The following SLIT1 variants were observed in gnomAD, a reference collection of about 807,000 sequenced individuals.
SLIT1 encodes slit guidance ligand 1.
A neutral mutation model predicts 186.1 loss-of-function variants in SLIT1; 66 were observed. The ratio of observed to expected loss-of-function variants is 0.35; its 90% confidence interval spans 0.29 to 0.44. SLIT1 has a LOEUF of 0.44. Ranked by LOEUF, SLIT1 falls within the 20% of genes least tolerant of loss-of-function variation. SLIT1 has a pLI of 1.00. For missense variants in SLIT1, 1,638 were observed against 2,037.4 expected (o/e 0.80, Z 3.77); for synonymous variants, 761 against 833.8 (o/e 0.91, Z 1.50).
At chr10:97,123,396 T>C (rs1378405151) in intron 4 of SLIT1, among the ~76,000 whole-genome samples, 1 of 152,160 alleles carries the variant, frequency 6.6e-6, no homozygotes, top group Non-Finnish European at 1.5e-5. Context: ...ATTTGGCAAA[T>C]AATGCTATGC....
At chr10:97,129,397 A>G (rs561473232) in intron 4 of SLIT1, among the ~76,000 whole-genome samples, 2,292 of 151,624 alleles carry the variant, frequency 0.015, 58 homozygotes, top group African/African-American at 0.05. Flanking sequence ...AAAAAAAAAA[A>G]AAGAAGCTAA....
At chr10:97,008,420 C>A (rs1315191303) in intron 31 of SLIT1, among the ~76,000 whole-genome samples, 1 of 152,198 alleles carries the variant, frequency 6.6e-6, no homozygotes, top group African/African-American at 2.4e-5. Context: ...CTGGGCCAGG[C>A]ATGGTGGCTC....
At chr10:97,049,871 G>A (rs2076481144) in intron 13 of SLIT1, among the ~76,000 whole-genome samples, 1 of 152,264 alleles carries the variant, frequency 6.6e-6, no homozygotes, top group Admixed American at 6.5e-5. Flanking sequence ...ATGGTGGCGG[G>A]GAGCAGATGG....
intron 1 of SLIT1, among the ~76,000 whole-genome samples, chr10:97,180,300 G>C (rs778656316): frequency 1.3e-5 from 2 of 152,216 alleles, no homozygotes; most frequent in African/African-American, 4.8e-5. Flanking sequence ...GCGCTCCTGC[G>C]AGCATTACCG....
intron 22 of SLIT1, among the ~76,000 whole-genome samples, chr10:97,037,343 C>G (rs565140547): frequency 6.6e-6 from 1 of 151,992 alleles, no homozygotes; most frequent in African/African-American, 2.4e-5. Flanking sequence ...AGAGGTTATC[C>G]GTCCGCCTCA....
At chr10:97,125,531 GT>G (rs1849596056) in intron 4 of SLIT1, among the ~76,000 whole-genome samples, 1 of 59,394 alleles carries the variant, frequency 1.7e-5, no homozygotes. Flanking sequence ...GAGACCCTGT[GT>G]CAAAAAAAAA....
At chr10:97,139,311 C>A (rs1165550909) in intron 4 of SLIT1, among the ~76,000 whole-genome samples, 1 of 152,222 alleles carries the variant, frequency 6.6e-6, no homozygotes, top group East Asian at 1.9e-4. Context: ...TTCACAATCC[C>A]AGGGCCAGTA....
intron 4 of SLIT1, among the ~76,000 whole-genome samples, chr10:97,074,511 G>T (rs577813929): frequency 6.6e-6 from 1 of 152,206 alleles, no homozygotes; most frequent in Non-Finnish European, 1.5e-5. Context: ...TGTTATTGTG[G>T]ATGATGTAAC....
Position 97,043,402 on chromosome 10 carries a change from T to C in SLIT1, c.1965A>G (p.Gly655=), listed in dbSNP as rs774252591. 1.2e-6 allele frequency: 2 copies of C among 1,613,794 alleles called. No homozygotes were observed. The highest frequency in any genetic ancestry group is 4.5e-5 in the East Asian group (2 of 44,874). Residue 655 remains glycine, a synonymous_variant, in exon 19 of 37, where the codon GGA becomes GGG. Coordinates refer to ENST00000266058, the MANE Select transcript of SLIT1 (RefSeq NM_003061.3). The surrounding 1 kb of genome is among the most constrained non-coding windows in gnomAD (Gnocchi z 7.0). The stretch of plus-strand genomic sequence containing the variant: ...AGAGGGACTGGAGGGTGTCGAAGGC[T>C]CCTGGGGATACGGTGGTGATCTGGT... ...YDNQITTVSP[G]AFDTLQSLST...
chr10:97,078,274 C>A (rs540516516), intron 4 of SLIT1, among the ~76,000 whole-genome samples: 47 of 152,136 alleles, frequency 3.1e-4, no homozygotes, highest in Non-Finnish European at 5.4e-4. Flanking sequence ...GAGCACCCAA[C>A]ATGTGCCAGG....
In SLIT1 at chr10:97,043,082, C is replaced by T. The variant is rs778443618; in HGVS notation, c.1998-15G>A. The T allele has an allele frequency of 5.6e-6, 9 of 1,611,590 alleles. No homozygotes were observed. The South Asian group carries it at 8.8e-5, about 16-fold the overall frequency. On this transcript the variant is annotated splice_polypyrimidine_tract_variant and intron_variant, in intron 19 of 36. Transcript: ENST00000266058. This position sits in a 1 kb window ranked among gnomAD's most constrained non-coding sequence, Gnocchi z 7.0. The stretch of plus-strand genomic sequence containing the variant: ...CCAGGAGATTCCTGGAAGAGGCAGG[C>T]CAGGCGGCCATGGAGACACTCTGCC...
chr10:97,147,947 C>T (rs755346004), intron 4 of SLIT1, among the ~76,000 whole-genome samples: 1 of 152,192 alleles, frequency 6.6e-6, no homozygotes, highest in Non-Finnish European at 1.5e-5. Flanking sequence ...ACCTTGAAAC[C>T]CACCTTCCCA....
chr10:97,163,475 C>T, intron 2 of SLIT1, 24 bp from the exon 3 acceptor site: 3 of 1,609,494 alleles, frequency 1.9e-6, no homozygotes, highest in Non-Finnish European at 2.6e-6. Flanking sequence ...GAGACAAGGA[C>T]AGCTACAGGG....
At chr10:97,176,933 G>T (rs1170352371) in intron 1 of SLIT1, among the ~76,000 whole-genome samples, 2 of 152,180 alleles carry the variant, frequency 1.3e-5, no homozygotes, top group Non-Finnish European at 2.9e-5. Flanking sequence ...TAATGTGTGT[G>T]AGTCCTCGAA....
At chr10:97,173,358 C>T (rs761367790) in intron 1 of SLIT1, among the ~76,000 whole-genome samples, 1 of 152,216 alleles carries the variant, frequency 6.6e-6, no homozygotes, top group Non-Finnish European at 1.5e-5. Context: ...GCATCTTTCA[C>T]ATCACCTTAC....
At chr10:97,055,611 C>A (rs887798058) in intron 13 of SLIT1, among the ~76,000 whole-genome samples, 6 of 152,182 alleles carry the variant, frequency 3.9e-5, no homozygotes, top group Non-Finnish European at 8.8e-5. Flanking sequence ...CTCAAGCAAT[C>A]CTCCTGCCTC....
At chr10:97,037,592 G>A (rs1848652150) in intron 22 of SLIT1, 106 bp downstream of exon 22, 1 of 840,904 alleles carries the variant, frequency 1.2e-6, no homozygotes, top group South Asian at 1.6e-5. Context: ...AGGAAAAGAA[G>A]CAGGATCTGC....
At chr10:97,145,225 C>A (rs182874856) in intron 4 of SLIT1, among the ~76,000 whole-genome samples, 214 of 152,258 alleles carry the variant, frequency 1.4e-3, no homozygotes, top group Non-Finnish European at 1.9e-3. Context: ...TCAAGCAATT[C>A]TCCCGCCTCA....
chr10:97,062,808 G>A (rs964948566), intron 8 of SLIT1, among the ~76,000 whole-genome samples: 1 of 152,248 alleles, frequency 6.6e-6, no homozygotes, highest in Non-Finnish European at 1.5e-5. Flanking sequence ...GTGAGTACAC[G>A]AGCAGTGACC....
Sources: allele counts gnomAD v4.1 joint callset (sites outside exome capture counted in the v4.1 genomes callset), GRCh38; gene constraint gnomAD v4.1.1; non-coding constraint Gnocchi (gnomAD v3.1); transcripts MANE v1.5; gene names NCBI Gene and HGNC (gene_info 2026-07-23, HGNC 2026-07-21).